TRIM42: variants seen among roughly 807,000 people sequenced by gnomAD.
The protein encoded by TRIM42 is tripartite motif containing 42.
A neutral mutation model predicts 64.9 loss-of-function variants in TRIM42; 59 were observed. The ratio of observed to expected loss-of-function variants is 0.91; its 90% CI spans 0.74 to 1.13. The LOEUF (loss-of-function observed/expected upper bound fraction) is 1.13, where lower values mean the gene tolerates loss of function less well. Ranked by LOEUF, TRIM42 falls within the 50% of genes most tolerant of loss-of-function variation. The pLI, the probability that TRIM42 is intolerant of heterozygous loss-of-function variation, is 0.00. For missense variants in TRIM42, 878 were observed against 929.5 expected, an observed-to-expected ratio of 0.94 and a Z score of 0.72; for synonymous variants, 354 against 346.3, an observed-to-expected ratio of 1.02 and a Z score of -0.25.
intron 3 of TRIM42, among the ~76,000 whole-genome samples, chr3:140,689,502 C>T (rs967584145): frequency 2.0e-5 from 3 of 152,064 alleles, no homozygotes; most frequent in African/African-American, 7.2e-5. Context: ...TTCAAAGGGG[C>T]CTGAGATTCT....
intron 1 of TRIM42, among the ~76,000 whole-genome samples, chr3:140,681,030 C>T (rs1031760735): frequency 6.6e-6 from 1 of 152,232 alleles, no homozygotes; most frequent in African/African-American, 2.4e-5. Context: ...TTTTACACCT[C>T]CATTCCCACA....
intron 3 of TRIM42, among the ~76,000 whole-genome samples, chr3:140,689,826 C>T (rs1988661046): frequency 6.7e-6 from 1 of 150,158 alleles, no homozygotes; most frequent in South Asian, 2.1e-4. Flanking sequence ...TGCTTATTAC[C>T]TCAAGTATAG....
At chr3:140,679,059 C>CCA (rs2107839720) in intron 1 of TRIM42, among the ~76,000 whole-genome samples, 1 of 151,846 alleles carries the variant, frequency 6.6e-6, no homozygotes, top group East Asian at 1.9e-4. Flanking sequence ...ACAATACCCC[C>CCA]CCCATGATAT....
chr3:140,682,462 C>T lies in TRIM42; in HGVS notation c.342C>T (p.Ser114=). The change falls in exon 2 of 5, where the codon TCC becomes TCT. Residue 114 remains serine, a splice_region_variant and synonymous_variant. Transcript: ENST00000286349. ...HKGRLRSIHT[S]SKTALRTGSS... is the part of the protein sequence containing the mutation. Reference sequence around the variant, plus strand: ...ACCCTGCCTTTGCTTCTCCTTTCAGCTCCAAGACTGCCCTGCGCACTGGGA... The same window carrying T: ...ACCCTGCCTTTGCTTCTCCTTTCAGTTCCAAGACTGCCCTGCGCACTGGGA... 1 of 1,610,996 alleles carries T rather than the reference C, an allele frequency of 6.2e-7. No homozygotes were observed. Among genetic ancestry groups the T allele is most frequent in the Non-Finnish European group, 8.5e-7 (1 of 1,177,784 alleles).
rs765082805 is a variant in TRIM42, at chr3:140,688,116, C to T, written c.1434C>T (p.Asp478=). 26 of 1,613,888 alleles carry T rather than the reference C, an allele frequency of 1.6e-5. No homozygotes were observed. Among genetic ancestry groups the T allele is most frequent in the East Asian group, 2.2e-5 (1 of 44,886 alleles). ...ACTCAATAAACTACGTGCCCTTGGA[C>T]TTTGTTGAGCTTTCCAGTGCCATCC... ...RLHSINYVPL[D]FVELSSAIHE... Residue 478 remains aspartate (D), a synonymous_variant, in exon 3 of 5, where the codon GAC becomes GAT. Transcript: ENST00000286349.
chr3:140,695,839 C>G (rs562996721), intron 4 of TRIM42, among the ~76,000 whole-genome samples: 33 of 152,130 alleles, frequency 2.2e-4, no homozygotes, highest in African/African-American at 8.0e-4. Flanking sequence ...AAAATAACTA[C>G]CCCAAGCCTA....
In TRIM42 at chr3:140,678,310, C is replaced by T. The variant is rs1988258461; in HGVS notation, c.81C>T (p.Cys27=). The change falls in exon 1 of 5, where the codon TGC becomes TGT. Residue 27 remains cysteine (C), a synonymous_variant. Transcript: ENST00000286349. ...CCPQLCSCLC[C]KFIFTSERNC... The stretch of plus-strand genomic sequence containing the variant: ...CTCAGTTATGCTCCTGTCTGTGCTG[C>T]AAGTTCATCTTCACCTCAGAGCGGA... 6.2e-7 allele frequency: 1 copy of T among 1,614,084 alleles called. No homozygotes were observed. Among genetic ancestry groups the T allele is most frequent in the African/African-American group, 1.3e-5 (1 of 74,932 alleles).
chr3:140,682,229 G>C (rs1268681330), intron 1 of TRIM42, among the ~76,000 whole-genome samples: 2 of 152,124 alleles, frequency 1.3e-5, no homozygotes, highest in African/African-American at 4.8e-5. Flanking sequence ...TATGACATAG[G>C]TACTAATTTT....
chr3:140,682,438 C>G (rs1311299192), intron 1 of TRIM42, 24 bp from the exon 2 acceptor site: 18 of 1,598,772 alleles, frequency 1.1e-5, no homozygotes, highest in Non-Finnish European at 1.5e-5. Context: ...CCTCCTGAAA[C>G]CCTGCCTTTG....
intron 4 of TRIM42, among the ~76,000 whole-genome samples, chr3:140,699,406 T>C (rs1008982951): frequency 2.6e-5 from 4 of 152,220 alleles, no homozygotes; most frequent in African/African-American, 9.6e-5. Flanking sequence ...TTTGGTAGAA[T>C]TCATCTGGAA....
chr3:140,688,654 T>C (rs1321518644), intron 3 of TRIM42, 112 bp downstream of exon 3: 20 of 789,540 alleles, frequency 2.5e-5, no homozygotes, highest in Non-Finnish European at 2.0e-6. Flanking sequence ...ATCTGGTCAC[T>C]CATATCTGCT....
rs1400371110 is a variant in TRIM42, at chr3:140,678,097, A to G, written c.-133A>G. ...CAGCTGTGAAGTCCTCATAACAGCC[A>G]ACTTCTTGCAACTTTCAAGCTGACG... On this transcript the variant is annotated 5_prime_UTR_variant, in exon 1 of 5. Transcript: ENST00000286349. 2.5e-6 allele frequency: 2 copies of G among 807,264 alleles called. No homozygotes were observed. The highest frequency in any genetic ancestry group is 1.7e-5 in the African/African-American group (1 of 58,220). The allele number at this position is 807,264 out of a possible 1,614,324, so 50.0% of individuals were successfully genotyped here.
In TRIM42 at chr3:140,682,705, C is replaced by A. The variant is rs1167079539; in HGVS notation, c.585C>A (p.His195Gln). The A allele has an allele frequency of 3.1e-6, 5 of 1,612,636 alleles. No individual in the cohort carries two copies. Among genetic ancestry groups the A allele is most frequent in the South Asian group, 2.2e-5 (2 of 91,090 alleles). Residue 195 changes from histidine to glutamine, a missense_variant, in exon 2 of 5, where the codon CAC (histidine) becomes CAA (glutamine). Physicochemically the swap from His to Gln is conservative, Grantham distance 24. Transcript: ENST00000286349. Reference protein sequence around the residue: ...ILICPVCDRSHCMPYSNKMQL... With the variant: ...ILICPVCDRSQCMPYSNKMQL... ...TCTGCCCAGTGTGCGACCGCTCGCA[C>A]TGCATGCCCTACAGCAACAAGATGC... is the stretch of plus-strand genomic sequence containing the variant.
At chr3:140,678,949 T>G (rs1988285137) in intron 1 of TRIM42, among the ~76,000 whole-genome samples, 1 of 152,112 alleles carries the variant, frequency 6.6e-6, no homozygotes, top group Admixed American at 6.5e-5. Context: ...CTTTGAGAAG[T>G]TAAGTAGCCC....
At position 140,687,964 on chromosome 3, in the gene TRIM42, G is replaced by T. The variant is rs1449437697; in HGVS notation, c.1282G>T (p.Ala428Ser). The T allele has an allele frequency of 6.8e-6, 11 of 1,613,992 alleles. No individual in the cohort carries two copies. Among genetic ancestry groups the T allele is most frequent in the Middle Eastern group, 3.3e-4 (2 of 6,084 alleles). ...MKVNEMDGLI[A>S]YSKEALKETG... ...AGTGAACGAGATGGATGGTCTGATC[G>T]CCTACTCCAAGGAAGCCCTGAAGGA... is the stretch of plus-strand genomic sequence containing the variant. Residue 428 changes from alanine (A) to serine (S), a missense_variant, in exon 3 of 5, where the codon GCC becomes TCC. By Grantham distance (99) the Ala-to-Ser change is moderately conservative. Coordinates refer to ENST00000286349, the MANE Select transcript of TRIM42 (RefSeq NM_152616.5).
intron 3 of TRIM42, among the ~76,000 whole-genome samples, chr3:140,690,531 G>GTATATATATATA (rs56969249): frequency 9.6e-6 from 1 of 104,122 alleles, no homozygotes; most frequent in East Asian, 3.3e-4. Context: ...AAGTTTTTAT[G>GTATATATATATA]TATATATATA....
chr3:140,699,588 G>C (rs995896411), intron 4 of TRIM42, among the ~76,000 whole-genome samples: 1 of 152,060 alleles, frequency 6.6e-6, no homozygotes, highest in Non-Finnish European at 1.5e-5. Flanking sequence ...ATCACATACA[G>C]TCTTTATCTT....
chr3:140,689,126 C>T (rs551043885), intron 3 of TRIM42, among the ~76,000 whole-genome samples: 2 of 152,304 alleles, frequency 1.3e-5, no homozygotes, highest in Non-Finnish European at 2.9e-5. Flanking sequence ...AGTGCCATTG[C>T]CTGGCCTCAA....
chr3:140,691,082 A>G lies in TRIM42; in HGVS notation c.1975A>G (p.Ile659Val). The G allele has an allele frequency of 6.2e-7, 1 of 1,614,200 alleles. No homozygotes were observed. Among genetic ancestry groups the G allele is most frequent in the Non-Finnish European group, 8.5e-7 (1 of 1,180,020 alleles). ...GGAGCTCTGTGGACAAATTCGGGAC[A>G]TAATGCAGCAAAATCTGGAGCTGCA... ...QMELCGQIRD[I>V]MQQNLELHNL... The change falls in exon 4 of 5, where the codon ATA becomes GTA. Residue 659 changes from isoleucine to valine, a missense_variant. Transcript: ENST00000286349.
Sources: gnomAD v4.1 joint callset for allele counts (sites outside exome capture counted in the v4.1 genomes callset) on GRCh38, gnomAD v4.1.1 for gene constraint, MANE v1.5 for transcripts, NCBI Gene and HGNC (gene_info 2026-07-23, HGNC 2026-07-21) for gene names.